RNF13: variants seen among roughly 807,000 people sequenced by gnomAD.
The protein encoded by RNF13 is ring finger protein 13.
In RNF13, 19 loss-of-function variants were observed where a neutral mutation model predicts 37.7. The ratio of observed to expected loss-of-function variants is 0.50; its 90% CI spans 0.35 to 0.74. RNF13 has a LOEUF of 0.74. Ranked by LOEUF, RNF13 falls within the 30% of genes least tolerant of loss-of-function variation. The pLI, the probability that RNF13 is intolerant of heterozygous loss-of-function variation, is 0.01. For missense variants in RNF13, 375 were observed against 453.0 expected, an observed-to-expected ratio of 0.83 and a Z score of 1.56; for synonymous variants, 144 against 157.8, an observed-to-expected ratio of 0.91 and a Z score of 0.65.
intron 1 of RNF13, among the ~76,000 whole-genome samples, chr3:149,838,123 G>A (rs1463437776): frequency 2.0e-5 from 3 of 152,216 alleles, no homozygotes; most frequent in African/African-American, 4.8e-5. Context: ...TCCAGGTCAC[G>A]CTGATGCAAG....
intron 1 of RNF13, among the ~76,000 whole-genome samples, chr3:149,840,288 C>T (rs891979813): frequency 8.6e-5 from 13 of 152,034 alleles, no homozygotes; most frequent in Non-Finnish European, 1.8e-4. Context: ...TCTCTAGAAG[C>T]CTTTTTGGTA....
At chr3:149,861,572 A>G (rs915237071) in intron 3 of RNF13, among the ~76,000 whole-genome samples, 1 of 152,160 alleles carries the variant, frequency 6.6e-6, no homozygotes, top group Admixed American at 6.5e-5. Context: ...AGGAGCTAAA[A>G]AAGTTGATCT....
At chr3:149,932,785 G>A (rs542092650) in intron 8 of RNF13, among the ~76,000 whole-genome samples, 21 of 152,238 alleles carry the variant, frequency 1.4e-4, no homozygotes, top group Admixed American at 3.9e-4. Flanking sequence ...GGTGCAAGCT[G>A]CTGGTGGCTC....
intron 3 of RNF13, among the ~76,000 whole-genome samples, chr3:149,855,548 T>C (rs1026761430): frequency 6.6e-6 from 1 of 151,156 alleles, no homozygotes; most frequent in Non-Finnish European, 1.5e-5. Flanking sequence ...TTTACATTTA[T>C]ATATTAAAAA....
At position 149,866,408 on chromosome 3, in the gene RNF13, G is replaced by A. The variant is rs149361146; in HGVS notation, c.196-5621G>A. Among the ~76,000 whole-genome samples, 4 of 152,332 alleles carry A rather than the reference G, an allele frequency of 2.6e-5. No homozygotes were observed. In the East Asian group the frequency reaches 5.8e-4, roughly 22 times the overall value. ...CGTGGCATTTGTAAAGTGTCATGGC[G>A]CTGGTGGGAGTGTAGCAGTGAGGAA... On this transcript the variant is annotated intron_variant, in intron 3 of 9. Coordinates refer to ENST00000392894, the MANE Select transcript of RNF13 (RefSeq NM_183381.3).
intron 3 of RNF13, among the ~76,000 whole-genome samples, chr3:149,855,391 C>T (rs1723545591): frequency 6.6e-6 from 1 of 151,570 alleles, no homozygotes; most frequent in South Asian, 2.1e-4. Context: ...ACTCTTTCCA[C>T]AGCAGCATCT....
chr3:149,939,817 AG>A (rs1220817128), intron 8 of RNF13: 1 of 524,086 alleles, frequency 1.9e-6, no homozygotes, highest in Non-Finnish European at 3.7e-6. Context: ...ACACGCACTT[AG>A]GTGGGAGAGA....
chr3:149,935,003 G>C (rs777821373), intron 8 of RNF13, among the ~76,000 whole-genome samples: 1 of 152,146 alleles, frequency 6.6e-6, no homozygotes, highest in Non-Finnish European at 1.5e-5. Flanking sequence ...TGACTTTTTT[G>C]AGTTTGCTGA....
At chr3:149,829,927 C>T (rs1302116613) in intron 1 of RNF13, among the ~76,000 whole-genome samples, 1 of 151,896 alleles carries the variant, frequency 6.6e-6, no homozygotes, top group Non-Finnish European at 1.5e-5. Context: ...CTCATGTGAA[C>T]TGATGGTTTT....
intron 8 of RNF13, among the ~76,000 whole-genome samples, chr3:149,952,700 A>G (rs1257485164): frequency 1.3e-5 from 2 of 152,068 alleles, no homozygotes; most frequent in East Asian, 1.9e-4. Flanking sequence ...CCCGGGTTCA[A>G]GCGATTCTCC....
rs1250686610 is a variant in RNF13, at chr3:149,945,879, T to C, written c.701-14177T>C. Among the ~76,000 whole-genome samples the C allele has an allele frequency of 2.0e-5, 3 of 152,074 alleles. No individual in the cohort carries two copies. In the East Asian group the frequency reaches 5.8e-4, roughly 29 times the overall value. On this transcript the variant is annotated intron_variant, in intron 8 of 9. Transcript: ENST00000392894. ...GTCCTGACTGTTAGAAGGAAAATTA[T>C]CAAACAAAAAGGACATCCACACCAA...
At chr3:149,849,005 G>A (rs1452915427) in intron 2 of RNF13, among the ~76,000 whole-genome samples, 1 of 152,144 alleles carries the variant, frequency 6.6e-6, no homozygotes, top group African/African-American at 2.4e-5. Flanking sequence ...CCTTCTCTTA[G>A]AGATTTTGTA....
chr3:149,923,764 CAAAAAAAAAAA>C (rs375634287), intron 8 of RNF13, among the ~76,000 whole-genome samples: 21 of 55,002 alleles, frequency 3.8e-4, no homozygotes, highest in Non-Finnish European at 1.5e-4. Flanking sequence ...GACTCCATCT[CAAAAAAAAAAA>C]AAAAAAAAGA....
chr3:149,942,098 C>T (rs1720342192), intron 8 of RNF13, among the ~76,000 whole-genome samples: 1 of 151,804 alleles, frequency 6.6e-6, no homozygotes, highest in African/African-American at 2.4e-5. Flanking sequence ...AGTACCATAC[C>T]ATCTTAATTA....
intron 1 of RNF13, among the ~76,000 whole-genome samples, chr3:149,823,186 T>G (rs1180699883): frequency 1.3e-5 from 2 of 152,140 alleles, no homozygotes; most frequent in African/African-American, 4.8e-5. Flanking sequence ...AAGTGCTTGC[T>G]GTGTGTTAGG....
At chr3:149,868,865 T>C (rs1711649845) in intron 3 of RNF13, among the ~76,000 whole-genome samples, 1 of 151,870 alleles carries the variant, frequency 6.6e-6, no homozygotes, top group Non-Finnish European at 1.5e-5. Context: ...CTGACCTTCC[T>C]GTAGCTGGTT....
intron 8 of RNF13, among the ~76,000 whole-genome samples, chr3:149,923,766 A>G (rs1718382950): frequency 7.0e-6 from 1 of 142,496 alleles, no homozygotes; most frequent in Non-Finnish European, 1.5e-5. Flanking sequence ...CTCCATCTCA[A>G]AAAAAAAAAA....
chr3:149,960,108 C>A lies in RNF13; in HGVS notation c.753C>A (p.Asp251Glu), dbSNP rs1335060938. The A allele has an allele frequency of 3.7e-5, 60 of 1,611,252 alleles. No individual in the cohort carries two copies. The highest frequency in any genetic ancestry group is 5.0e-5 in the Non-Finnish European group (59 of 1,177,604). Residue 251 changes from aspartate (D) to glutamate (E), a missense_variant, in exon 9 of 10, where the codon GAC becomes GAA. By Grantham distance (45) the Asp-to-Glu change is conservative. Transcript: ENST00000392894. ...GTTTGGATGAGTATGAAGATGGAGA[C>A]AAACTCAGAATCCTTCCCTGTTCCC... The part of the protein sequence containing the change: ...AICLDEYEDG[D>E]KLRILPCSHA...
chr3:149,937,053 AC>A (rs1366916309), intron 8 of RNF13, among the ~76,000 whole-genome samples: 1 of 152,056 alleles, frequency 6.6e-6, no homozygotes, highest in African/African-American at 2.4e-5. Flanking sequence ...TGCGCAGAGG[AC>A]CCGTGGAATG....
Sources: allele counts gnomAD v4.1 joint callset (sites outside exome capture counted in the v4.1 genomes callset), GRCh38; gene constraint gnomAD v4.1.1; transcripts MANE v1.5; gene names NCBI Gene and HGNC (gene_info 2026-07-23, HGNC 2026-07-21).